Variants in MYO9A observed in about 807,000 individuals in gnomAD.
The protein encoded by MYO9A is unconventional myosin-IXa.
In MYO9A, 103 loss-of-function variants were observed where a neutral mutation model predicts 293.3. The observed-to-expected ratio is 0.35, with a 90% CI of 0.30 to 0.41. The LOEUF (loss-of-function observed/expected upper bound fraction) is 0.41, where lower values mean the gene tolerates loss of function less well. Among genes scored for constraint, MYO9A ranks in the 10% least tolerant of loss-of-function variants. The pLI is 1.00. For synonymous variants in MYO9A, 1,001 were observed against 1,035.7 expected (o/e 0.97, Z 0.64); for missense variants, 2,685 against 3,033.0 (o/e 0.89, Z 2.69).
intron 15 of MYO9A, among the ~76,000 whole-genome samples, chr15:71,945,577 A>T (rs2058892415): frequency 6.6e-6 from 1 of 152,020 alleles, no homozygotes; most frequent in East Asian, 1.9e-4. Flanking sequence ...GGATATTACA[A>T]TTTTCTATAA....
At chr15:71,871,498 C>T (rs2056511969) in intron 32 of MYO9A, among the ~76,000 whole-genome samples, 1 of 151,806 alleles carries the variant, frequency 6.6e-6, no homozygotes, top group African/African-American at 2.4e-5. Flanking sequence ...AGTTTGAGAC[C>T]AGCCTGGGCC....
At chr15:72,102,034 T>C (rs1461155478) in intron 1 of MYO9A, among the ~76,000 whole-genome samples, 1 of 150,874 alleles carries the variant, frequency 6.6e-6, no homozygotes, top group African/African-American at 2.4e-5. Context: ...ATGGCGGCTT[T>C]GTGGAATAGA....
intron 6 of MYO9A, among the ~76,000 whole-genome samples, chr15:72,010,999 C>G (rs2077156048): frequency 1.3e-5 from 2 of 151,686 alleles, no homozygotes; most frequent in Admixed American, 6.6e-5. Flanking sequence ...TTATATAGAT[C>G]TATATAGATA....
At chr15:71,953,743 T>C (rs1270635982) in intron 14 of MYO9A, 2 of 152,202 alleles carry the variant, frequency 1.3e-5, no homozygotes. Flanking sequence ...GACTGTGACA[T>C]AATTTCTAAA....
intron 1 of MYO9A, among the ~76,000 whole-genome samples, chr15:72,076,624 T>C (rs2079360379): frequency 6.6e-6 from 1 of 152,200 alleles, no homozygotes; most frequent in African/African-American, 2.4e-5. Flanking sequence ...AGATATACCA[T>C]GTTCAAGAAG....
intron 15 of MYO9A, among the ~76,000 whole-genome samples, chr15:71,940,901 A>C (rs1221580579): frequency 1.3e-5 from 2 of 152,146 alleles, no homozygotes; most frequent in African/African-American, 4.8e-5. Flanking sequence ...AGCCTGGATG[A>C]CAGAGGAAGA....
rs28367264 is a variant in MYO9A at position 71,989,129 on chromosome 15, G to A, written c.1722+1974C>T. 5.7e-3 allele frequency among the ~76,000 whole-genome samples: 860 copies of A among 152,046 alleles called. 12 individuals carry two copies. The highest frequency in any genetic ancestry group is 0.02 in the African/African-American group (811 of 41,480). ...AGCCTGGTCTCAAACTCCTGACCTCGTCCGCCCACCTCGGCCTCCCATAGT... is the reference window on the plus strand; with the variant it reads ...AGCCTGGTCTCAAACTCCTGACCTCATCCGCCCACCTCGGCCTCCCATAGT... On this transcript the variant is annotated intron_variant, in intron 11 of 41. Transcript: ENST00000356056.
chr15:71,900,097 AT>A (rs1468093850), intron 23 of MYO9A, 91 bp from the exon 24 acceptor site: 11 of 1,289,780 alleles, frequency 8.5e-6, no homozygotes, highest in Non-Finnish European at 1.1e-5. Flanking sequence ...TTATGTCATA[AT>A]TACAGGTTAA....
intron 6 of MYO9A, 42 bp from the exon 7 acceptor site, chr15:72,010,489 T>C: frequency 6.6e-7 from 1 of 1,526,594 alleles, no homozygotes; most frequent in African/African-American, 1.4e-5. Context: ...AGATTATATA[T>C]TTTAAAATAA....
chr15:72,111,781 T>G (rs2080790615), intron 1 of MYO9A, among the ~76,000 whole-genome samples: 2 of 151,880 alleles, frequency 1.3e-5, no homozygotes, highest in African/African-American at 4.8e-5. Context: ...GGACCATAGG[T>G]GAATGCCACC....
chr15:71,844,791 A>G (rs554788028), intron 39 of MYO9A, among the ~76,000 whole-genome samples: 1 of 152,256 alleles, frequency 6.6e-6, no homozygotes, highest in African/African-American at 2.4e-5. Context: ...AGTAAAAGAG[A>G]CTCATGGTGA....
intron 18 of MYO9A, among the ~76,000 whole-genome samples, chr15:71,931,162 G>GT (rs977287616): frequency 4.6e-5 from 7 of 152,136 alleles, no homozygotes; most frequent in African/African-American, 1.7e-4. Context: ...ACTTTTATCA[G>GT]TGAGTTTTCT....
At chr15:72,022,711 C>T (rs1025786154) in intron 4 of MYO9A, among the ~76,000 whole-genome samples, 1 of 151,882 alleles carries the variant, frequency 6.6e-6, no homozygotes, top group Admixed American at 6.6e-5. Context: ...CCAAATCTGG[C>T]TAATTTTTGT....
intron 1 of MYO9A, among the ~76,000 whole-genome samples, chr15:72,102,385 G>C (rs1193474856): frequency 1.3e-5 from 2 of 149,068 alleles, no homozygotes; most frequent in African/African-American, 4.9e-5. Context: ...GAAAACCAGA[G>C]ACCTTTGTTC....
chr15:72,018,988 A>C, intron 6 of MYO9A, 51 bp downstream of exon 6: 1 of 1,447,736 alleles, frequency 6.9e-7, no homozygotes, highest in South Asian at 1.2e-5. Flanking sequence ...CAAATGCGCA[A>C]TGTGAGGACC....
intron 15 of MYO9A, among the ~76,000 whole-genome samples, chr15:71,950,731 A>G (rs1032846985): frequency 2.0e-5 from 3 of 152,222 alleles, no homozygotes; most frequent in African/African-American, 7.2e-5. Context: ...AAGAATCCAC[A>G]ACATTTGTTC....
intron 18 of MYO9A, 88 bp from the exon 19 acceptor site, chr15:71,916,580 A>G (rs965565576): frequency 7.8e-7 from 1 of 1,276,132 alleles, no homozygotes; most frequent in Non-Finnish European, 1.1e-6. Flanking sequence ...TTTCCTATCT[A>G]TATGACCATT....
At chr15:71,904,585 G>A (rs571522757) in intron 20 of MYO9A, among the ~76,000 whole-genome samples, 14 of 152,248 alleles carry the variant, frequency 9.2e-5, no homozygotes, top group Admixed American at 6.5e-4. Context: ...ACCAGGAGGC[G>A]GAGATTACAG....
chr15:71,994,638 C>G, intron 9 of MYO9A, 53 bp from the exon 10 acceptor site: 1 of 1,052,584 alleles, frequency 9.5e-7, no homozygotes, highest in South Asian at 1.8e-5. Flanking sequence ...GATTAAGATA[C>G]TATGACAAAG....
Sources: allele counts gnomAD v4.1 joint callset (sites outside exome capture counted in the v4.1 genomes callset), GRCh38; gene constraint gnomAD v4.1.1; transcripts MANE v1.5; gene names NCBI Gene and HGNC (gene_info 2026-07-23, HGNC 2026-07-21).